BBS9: variants seen among roughly 807,000 people sequenced by gnomAD.
BBS9 encodes protein PTHB1.
A neutral mutation model predicts 117.7 loss-of-function variants in BBS9; 89 were observed. The observed-to-expected ratio is 0.76, with a 90% CI of 0.64 to 0.90. BBS9 has a LOEUF of 0.90. BBS9 is among the 40% of genes least tolerant of loss of function. The probability of loss-of-function intolerance (pLI) is 0.00; values close to 1 mark genes in which losing one functional copy is unlikely to be tolerated. For synonymous variants in BBS9, 379 were observed against 370.9 expected, an observed-to-expected ratio of 1.02 and a Z score of -0.25; for missense variants, 982 against 1,042.2, an observed-to-expected ratio of 0.94 and a Z score of 0.80.
intron 19 of BBS9, among the ~76,000 whole-genome samples, chr7:33,411,930 A>G (rs1190556337): frequency 6.6e-6 from 1 of 152,148 alleles, no homozygotes; most frequent in Non-Finnish European, 1.5e-5. Context: ...AGCATGGACA[A>G]ATGTTACTCC....
Position 33,580,704 on chromosome 7 carries a change from T to C in BBS9, c.2522-24161T>C, listed in dbSNP as rs1166128021. On this transcript the variant is annotated intron_variant, in intron 21 of 22. Transcript: ENST00000242067. ...TACAGATGAAACTGGCAGATGGGAG[T>C]TATTCATTCATCTCTTCCAGAAATA... 2.6e-5 allele frequency among the ~76,000 whole-genome samples: 4 copies of C among 152,098 alleles called. No individual in the cohort carries two copies. In the East Asian group the frequency reaches 7.7e-4, roughly 29 times the overall value.
chr7:33,232,977 A>G lies in BBS9; in HGVS notation c.443-24259A>G, dbSNP rs145381011. 5.3e-3 allele frequency among the ~76,000 whole-genome samples: 800 copies of G among 152,326 alleles called. 11 individuals carry two copies. The highest frequency in any genetic ancestry group is 0.018 in the African/African-American group (757 of 41,590). On this transcript the variant is annotated intron_variant, in intron 5 of 22. Transcript: ENST00000242067. ...TTTCAGGACTTTATATGTTAAACCC[A>G]TAATTCTATTACAATTGTTGAGTTT...
chr7:33,194,125 T>C lies in BBS9; in HGVS notation c.442+16534T>C, dbSNP rs769806577. Among the ~76,000 whole-genome samples, 70 of 152,212 alleles carry C rather than the reference T, an allele frequency of 4.6e-4. 1 individual carries two copies. Among genetic ancestry groups the C allele is most frequent in the African/African-American group, 8.0e-4 (33 of 41,448 alleles). ...GAAAAAATACCAAAATGATAAAACCTGTATTTTTCTTTTCTGACCAGAAGG... is the reference window on the plus strand; with the variant it reads ...GAAAAAATACCAAAATGATAAAACCCGTATTTTTCTTTTCTGACCAGAAGG... On this transcript the variant is annotated intron_variant, in intron 5 of 22. Coordinates refer to ENST00000242067, the MANE Select transcript of BBS9 (RefSeq NM_198428.3).
At chr7:33,537,392 G>T (rs1354249799) in intron 21 of BBS9, among the ~76,000 whole-genome samples, 1 of 152,080 alleles carries the variant, frequency 6.6e-6, no homozygotes, top group Non-Finnish European at 1.5e-5. Flanking sequence ...CATTTCTCTT[G>T]CTTGACTTTT....
At chr7:33,458,275 G>A (rs956324340) in intron 19 of BBS9, among the ~76,000 whole-genome samples, 1 of 152,114 alleles carries the variant, frequency 6.6e-6, no homozygotes, top group South Asian at 2.1e-4. Flanking sequence ...TTTTGAATGA[G>A]AGAAAAAATG....
intron 5 of BBS9, among the ~76,000 whole-genome samples, chr7:33,182,777 T>G (rs888437767): frequency 6.6e-6 from 1 of 152,196 alleles, no homozygotes; most frequent in Non-Finnish European, 1.5e-5. Flanking sequence ...ATTTTTCATT[T>G]GCCAGTTTCT....
chr7:33,250,968 G>C (rs1468209464), intron 5 of BBS9, among the ~76,000 whole-genome samples: 1 of 152,188 alleles, frequency 6.6e-6, no homozygotes, highest in Non-Finnish European at 1.5e-5. Context: ...CAGGGGCTCT[G>C]TGGGATCTCA....
At chr7:33,610,917 A>T (rs1407547166), downstream of BBS9, among the ~76,000 whole-genome samples, 4 of 152,072 alleles carry the variant, frequency 2.6e-5, no homozygotes, top group Non-Finnish European at 5.9e-5. Context: ...CACCTTATAC[A>T]TTCAGGGACA....
chr7:33,322,675 T>C lies in BBS9; in HGVS notation c.1017-13766T>C, dbSNP rs1176361453. Reference sequence around the variant, plus strand: ...AGGTTTGTTCATTTTGTTTATCATCTCAAAAAATAACCTTTTCTTTCATTG... The same window carrying C: ...AGGTTTGTTCATTTTGTTTATCATCCCAAAAAATAACCTTTTCTTTCATTG... On this transcript the variant is annotated intron_variant, in intron 9 of 22. Coordinates refer to ENST00000242067, the MANE Select transcript of BBS9 (RefSeq NM_198428.3). 3.3e-5 allele frequency among the ~76,000 whole-genome samples: 5 copies of C among 152,130 alleles called. No homozygotes were observed. The East Asian group carries it at 9.6e-4, about 29-fold the overall frequency.
intron 14 of BBS9, chr7:33,352,087 G>A (rs958910412): frequency 2.0e-5 from 3 of 152,642 alleles, no homozygotes; most frequent in African/African-American, 7.2e-5. Context: ...ATTTGCTTAG[G>A]CGTTTGTCTG....
chr7:33,477,547 C>G (rs1841968839), intron 19 of BBS9, among the ~76,000 whole-genome samples: 1 of 152,020 alleles, frequency 6.6e-6, no homozygotes, highest in Non-Finnish European at 1.5e-5. Flanking sequence ...GTAAGGACTT[C>G]AATTTTAAGA....
At chr7:33,363,684 A>AT (rs754006835) in intron 16 of BBS9, among the ~76,000 whole-genome samples, 2,058 of 138,980 alleles carry the variant, frequency 0.015, 41 homozygotes, top group African/African-American at 0.046. Flanking sequence ...TATTTTTTAG[A>AT]TTTTTTTTTT....
At chr7:33,328,487 G>C (rs1320417252) in intron 9 of BBS9, among the ~76,000 whole-genome samples, 1 of 152,224 alleles carries the variant, frequency 6.6e-6, no homozygotes, top group African/African-American at 2.4e-5. Flanking sequence ...CTTTTGGACT[G>C]AGGAAGAGCT....
intron 21 of BBS9, among the ~76,000 whole-genome samples, chr7:33,540,883 C>T (rs1340876259): frequency 6.6e-6 from 1 of 152,210 alleles, no homozygotes; most frequent in Non-Finnish European, 1.5e-5. Context: ...AGTTATTGAT[C>T]TCTGACTAAT....
chr7:33,327,428 G>A (rs1260285432), intron 9 of BBS9, among the ~76,000 whole-genome samples: 1 of 152,174 alleles, frequency 6.6e-6, no homozygotes, highest in Non-Finnish European at 1.5e-5. Context: ...GGCTTGGTGT[G>A]GTGGTTCACA....
intron 9 of BBS9, among the ~76,000 whole-genome samples, chr7:33,286,949 T>C (rs1218771069): frequency 2.0e-5 from 3 of 151,322 alleles, no homozygotes; most frequent in Non-Finnish European, 4.4e-5. Context: ...GAAAAAGTGA[T>C]TTTTTTTGAT....
intron 9 of BBS9, chr7:33,276,910 C>A: frequency 5.6e-6 from 1 of 177,560 alleles, no homozygotes; most frequent in South Asian, 1.3e-4. Flanking sequence ...CTCACTCCCT[C>A]ACCTCATGGG....
intron 19 of BBS9, among the ~76,000 whole-genome samples, chr7:33,448,293 G>T (rs941502567): frequency 2.0e-5 from 3 of 152,122 alleles, no homozygotes; most frequent in African/African-American, 7.2e-5. Context: ...CCTTTCTGAT[G>T]TATATTCTAT....
chr7:33,412,018 C>G (rs1299635417), intron 19 of BBS9, among the ~76,000 whole-genome samples: 3 of 151,974 alleles, frequency 2.0e-5, no homozygotes, highest in Admixed American at 2.0e-4. Context: ...GAAATATGAG[C>G]AGATGCATCA....
Sources: allele counts gnomAD v4.1 joint callset (sites outside exome capture counted in the v4.1 genomes callset), GRCh38; gene constraint gnomAD v4.1.1; transcripts MANE v1.5; gene names NCBI Gene and HGNC (gene_info 2026-07-23, HGNC 2026-07-21).